ACLY: variants seen among roughly 807,000 people sequenced by gnomAD.
ACLY encodes the protein ATP-citrate synthase.
Under a neutral mutation model 133.0 loss-of-function variants are expected in ACLY, and 41 were observed. The ratio of observed to expected loss-of-function variants is 0.31; its 90% CI spans 0.24 to 0.40. ACLY has a LOEUF of 0.40. Ranked by LOEUF, ACLY falls within the 10% of genes least tolerant of loss-of-function variation. The pLI, the probability that ACLY is intolerant of heterozygous loss-of-function variation, is 1.00. For missense variants in ACLY, 1,046 were observed against 1,453.8 expected (o/e 0.72, Z 4.56); for synonymous variants, 495 against 549.3 (o/e 0.90, Z 1.38).
chr17:41,911,519 GA>G, intron 3 of ACLY, among the ~76,000 whole-genome samples: 1 of 152,358 alleles, frequency 6.6e-6, no homozygotes, highest in South Asian at 2.1e-4. Context: ...CAAGCTGGGA[GA>G]AGTTAATAAT....
At chr17:41,903,755 CAAAAAAAAAAAA>C (rs10615655) in intron 10 of ACLY, among the ~76,000 whole-genome samples, 33 of 48,696 alleles carry the variant, frequency 6.8e-4, no homozygotes, top group South Asian at 4.2e-3. Flanking sequence ...GACTCTGTCT[CAAAAAAAAAAAA>C]AAAAAAAAAA....
intron 8 of ACLY, 144 bp from the exon 9 acceptor site, chr17:41,905,802 C>T (rs868968514): frequency 1.0e-6 from 1 of 999,496 alleles, no homozygotes. Flanking sequence ...CCCCAATTCC[C>T]ATGCAAGTCT....
At position 41,887,650 on chromosome 17, in the gene ACLY, C is replaced by T. The variant is rs782127587; in HGVS notation, c.1824G>A (p.Lys608=). The T allele has an allele frequency of 2.2e-5, 36 of 1,613,756 alleles. No individual in the cohort carries two copies. Among genetic ancestry groups the T allele is most frequent in the Non-Finnish European group, 2.7e-5 (32 of 1,179,860 alleles). ...AEGIPEALTR[K]LIKKADQKGV... is the part of the protein sequence containing the mutation. ...CCTTCTGGTCCGCCTTCTTGATCAG[C>T]TTTCTCGTGAGGGCCTCAGGGATGC... The change falls in exon 17 of 29, where the codon AAG becomes AAA. Residue 608 remains lysine, a synonymous_variant. Transcript: ENST00000352035.
intron 28 of ACLY, 61 bp downstream of exon 28, chr17:41,868,646 AGT>A: frequency 7.9e-7 from 1 of 1,261,004 alleles, no homozygotes; most frequent in African/African-American, 1.5e-5. Context: ...CCCATGAGTA[AGT>A]GGTGTAGCTG....
chr17:41,923,800 A>AT (rs1347612342), upstream of ACLY, among the ~76,000 whole-genome samples: 1 of 151,988 alleles, frequency 6.6e-6, no homozygotes, highest in Admixed American at 6.6e-5. Context: ...CAGTTCTACT[A>AT]TTTTTTTGTT....
chr17:41,872,082 G>A lies in ACLY; in HGVS notation c.2743C>T (p.Arg915Ter), dbSNP rs1555625209. Residue 915 changes from arginine (R) to a stop codon, truncating the protein, a stop_gained, in exon 24 of 29, where the codon CGA (arginine) becomes TGA (stop). Coordinates refer to ENST00000352035, the MANE Select transcript of ACLY (RefSeq NM_001096.3). LOFTEE classifies it high-confidence loss of function. ...CTGGAGACCAGGTCTTTCCCAGCTC[G>A]CGCACAAATGATGGTGTTGTGGGCT... ...SGAHNTIICARAGKDLVSSLT... is the reference protein window; with the variant it reads ...SGAHNTIICA 3.7e-6 allele frequency: 6 copies of A among 1,614,060 alleles called. No homozygotes were observed. The highest frequency in any genetic ancestry group is 5.1e-6 in the Non-Finnish European group (6 of 1,179,988).
intron 2 of ACLY, among the ~76,000 whole-genome samples, chr17:41,913,302 C>T (rs1468151475): frequency 2.0e-5 from 3 of 152,226 alleles, no homozygotes; most frequent in African/African-American, 7.2e-5. Flanking sequence ...GGAGAGGGCA[C>T]ATCCCTACTT....
intron 24 of ACLY, 85 bp from the exon 25 acceptor site, chr17:41,871,917 C>G: frequency 6.3e-7 from 1 of 1,596,566 alleles, no homozygotes; most frequent in Non-Finnish European, 8.5e-7. Context: ...CCCGAACGGC[C>G]CTGAGCACTG....
At chr17:41,874,092 G>A (rs1597969513) in intron 22 of ACLY, 127 bp from the exon 23 acceptor site, 2 of 985,790 alleles carry the variant, frequency 2.0e-6, no homozygotes, top group Non-Finnish European at 1.4e-6. Flanking sequence ...TGGCAGCCAA[G>A]TAACAACTCT....
intron 11 of ACLY, 106 bp downstream of exon 11, chr17:41,901,590 A>T: frequency 1.1e-6 from 1 of 895,990 alleles, no homozygotes; most frequent in Non-Finnish European, 1.8e-6. Flanking sequence ...CAGGAAGGGG[A>T]GTAGAGAGCA....
chr17:41,922,593 A>G (rs1555635560), upstream of ACLY, among the ~76,000 whole-genome samples: 1 of 152,210 alleles, frequency 6.6e-6, no homozygotes, highest in East Asian at 1.9e-4. Context: ...TTGGTCCAGT[A>G]ATTCCACTTC....
chr17:41,875,899 G>A (rs1299803438), intron 22 of ACLY, among the ~76,000 whole-genome samples: 8 of 151,964 alleles, frequency 5.3e-5, no homozygotes, highest in South Asian at 2.1e-4. Flanking sequence ...CTGCCTGGCC[G>A]CCCATAGTCT....
intron 22 of ACLY, among the ~76,000 whole-genome samples, chr17:41,877,128 CTCTA>C (rs1327921346): frequency 1.3e-5 from 2 of 151,828 alleles, no homozygotes; most frequent in African/African-American, 4.8e-5. Flanking sequence ...TGAATATGTT[CTCTA>C]TCTCTCTCTC....
intron 25 of ACLY, chr17:41,870,241 T>C (rs1481386256): frequency 6.6e-6 from 1 of 152,376 alleles, no homozygotes; most frequent in Non-Finnish European, 1.5e-5. Context: ...TCTAGCATTA[T>C]CTTAGAAAGA....
rs549656255 is a variant in ACLY at position 41,878,036 on chromosome 17, G to A, written c.2487+67C>T. The A allele has an allele frequency of 1.6e-5, 19 of 1,186,886 alleles. No individual in the cohort carries two copies. In the East Asian group the frequency reaches 2.0e-4, roughly 13 times the overall value. The allele number at this position is 1,186,886 out of a possible 1,614,324, so 73.5% of individuals were successfully genotyped here. A position where few individuals can be genotyped will look rare whatever the true frequency, so the allele number is the denominator to read the frequency against. On this transcript the variant is annotated intron_variant, in intron 22 of 28. Coordinates refer to ENST00000352035, the MANE Select transcript of ACLY (RefSeq NM_001096.3). Reference sequence around the variant, plus strand: ...CCAAGAGTTCAAGGCAAATCAACGCGAAACCCACCACCATAGACCCACAGA... The same window carrying A: ...CCAAGAGTTCAAGGCAAATCAACGCAAAACCCACCACCATAGACCCACAGA...
At chr17:41,919,900 A>G (rs538014844), upstream of ACLY, among the ~76,000 whole-genome samples, 25 of 152,252 alleles carry the variant, frequency 1.6e-4, no homozygotes, top group African/African-American at 6.0e-4. Flanking sequence ...CAGGACATGT[A>G]TTTACCACTC....
intron 20 of ACLY, among the ~76,000 whole-genome samples, chr17:41,880,950 C>T (rs547666894): frequency 6.7e-6 from 1 of 148,730 alleles, no homozygotes; most frequent in South Asian, 2.2e-4. Flanking sequence ...TACTGAAATG[C>T]GAGGTGCTCA....
At chr17:41,899,600 G>A (rs887541480) in intron 11 of ACLY, among the ~76,000 whole-genome samples, 9 of 152,008 alleles carry the variant, frequency 5.9e-5, no homozygotes, top group African/African-American at 1.9e-4. Context: ...CCCATGCCAC[G>A]CTCCCCTCCT....
intron 17 of ACLY, among the ~76,000 whole-genome samples, chr17:41,887,347 G>A (rs113460990): frequency 6.6e-6 from 1 of 151,466 alleles, no homozygotes; most frequent in Non-Finnish European, 1.5e-5. Flanking sequence ...GCTGAGACAG[G>A]AGAATCACTT....
Sources: allele counts gnomAD v4.1 joint callset (sites outside exome capture counted in the v4.1 genomes callset), GRCh38; gene constraint gnomAD v4.1.1; transcripts MANE v1.5; gene names NCBI Gene and HGNC (gene_info 2026-07-23, HGNC 2026-07-21).